Variants in PSIP1 observed in about 807,000 individuals in gnomAD.
The protein encoded by PSIP1 is PC4 and SFRS1-interacting protein.
In PSIP1, 19 loss-of-function variants were observed where a neutral mutation model predicts 74.7. The ratio of observed to expected loss-of-function variants is 0.25; its 90% CI spans 0.18 to 0.37. The LOEUF is 0.37. PSIP1 is among the 10% of genes least tolerant of loss of function. The pLI, the probability that PSIP1 is intolerant of heterozygous loss-of-function variation, is 1.00. For synonymous variants in PSIP1, 222 were observed against 195.3 expected, an observed-to-expected ratio of 1.14 and a Z score of -1.14; for missense variants, 601 against 614.3, an observed-to-expected ratio of 0.98 and a Z score of 0.23.
Position 15,468,355 on chromosome 9 carries a change from A to T in PSIP1, c.1420+275T>A, listed in dbSNP as rs1406479259. ...ACTCTAGGGATTAGGAGGCATTGTG[A>T]TGGATGGGTTTTTAAAAATTGTTTA... On this transcript the variant is annotated intron_variant, in intron 14 of 15. Coordinates refer to ENST00000380733, the MANE Select transcript of PSIP1 (RefSeq NM_033222.5). The T allele has an allele frequency of 4.6e-6, 3 of 646,092 alleles. No individual in the cohort carries two copies. In the Admixed American group the frequency reaches 5.4e-5, roughly 12 times the overall value. 40.0% of individuals were successfully genotyped at this position (646,092 alleles called of 1,614,324 possible). A position where few individuals can be genotyped will look rare whatever the true frequency, so the allele number is the denominator to read the frequency against.
chr9:15,494,482 T>G (rs1469168894), intron 3 of PSIP1, among the ~76,000 whole-genome samples: 1 of 146,184 alleles, frequency 6.8e-6, no homozygotes, highest in African/African-American at 2.5e-5. Context: ...ATAGAATCGC[T>G]TGAACCCGGG....
At chr9:15,489,250 T>C in intron 4 of PSIP1, 1 of 152,180 alleles carries the variant, frequency 6.6e-6, no homozygotes, top group East Asian at 1.9e-4. Flanking sequence ...CATAGTGCTG[T>C]AAGTACATTT....
rs552091976 is a variant in PSIP1 at position 15,484,144 on chromosome 9, A to C, written c.456+1862T>G. On this transcript the variant is annotated intron_variant, in intron 6 of 15. Transcript: ENST00000380733. ...GAAACTCTGTATCCAAAAAAAAAAA[A>C]AAACAAATTTATATTTAAAAAAAAA... Among the ~76,000 whole-genome samples the C allele has an allele frequency of 4.6e-5, 7 of 151,618 alleles. No individual in the cohort carries two copies. In the South Asian group the frequency reaches 1.2e-3, roughly 27 times the overall value.
At chr9:15,475,023 G>A (rs1254419410) in intron 8 of PSIP1, among the ~76,000 whole-genome samples, 2 of 152,092 alleles carry the variant, frequency 1.3e-5, no homozygotes, top group Non-Finnish European at 2.9e-5. Flanking sequence ...TTTGACAAAT[G>A]AGAAAATGAT....
chr9:15,497,484 G>A (rs919979236), intron 3 of PSIP1, among the ~76,000 whole-genome samples: 1 of 151,836 alleles, frequency 6.6e-6, no homozygotes, highest in Non-Finnish European at 1.5e-5. Context: ...GTGCAACCAC[G>A]CCTGGCTACT....
chr9:15,490,214 A>C (rs2036760337), intron 3 of PSIP1, 90 bp from the exon 4 acceptor site: 1 of 1,201,748 alleles, frequency 8.3e-7, no homozygotes, highest in African/African-American at 1.6e-5. Context: ...ATTATCAAAA[A>C]TACAGAACCT....
chr9:15,470,703 T>C (rs1029980760), intron 10 of PSIP1: 6 of 939,180 alleles, frequency 6.4e-6, no homozygotes, highest in African/African-American at 1.8e-5. Flanking sequence ...AGTCTACTAC[T>C]GTTTAATCTC....
In PSIP1 at chr9:15,465,566, T is replaced by G; in HGVS notation, c.1547A>C (p.Glu516Ala). 6.3e-7 allele frequency: 1 copy of G among 1,585,456 alleles called. No individual in the cohort carries two copies. Among genetic ancestry groups the G allele is most frequent in the Non-Finnish European group, 8.6e-7 (1 of 1,157,512 alleles). The change falls in exon 16 of 16, where the codon GAG (glutamate) becomes GCG (alanine). Residue 516 changes from glutamate to alanine, a missense_variant. Transcript: ENST00000380733. Reference sequence around the variant, plus strand: ...CTTCAGAGATATTTCAGTCTCTCTCTCTTCACTGGATGGCCTGAAGAAAAG... The same window carrying G: ...CTTCAGAGATATTTCAGTCTCTCTCGCTTCACTGGATGGCCTGAAGAAAAG... ...ASTKKKPSSE[E>A]RETEISLKDS...
chr9:15,470,609 A>G (rs1437082602), intron 10 of PSIP1: 5 of 954,730 alleles, frequency 5.2e-6, no homozygotes, highest in Non-Finnish European at 6.2e-6. Context: ...TCAAATAGAC[A>G]AGAACAAAAA....
At position 15,474,105 on chromosome 9, in the gene PSIP1, C is replaced by G. The variant is rs1305402238; in HGVS notation, c.762G>C (p.Lys254Asn). Residue 254 changes from lysine to asparagine, a missense_variant, in exon 9 of 16, where the codon AAG (lysine) becomes AAC (asparagine). Lys to Asn is a moderately conservative substitution (Grantham distance 94). This residue lies in a region of PSIP1 where 538 missense variants were observed against 507.6 expected (regional missense o/e 1.06). Coordinates refer to ENST00000380733, the MANE Select transcript of PSIP1 (RefSeq NM_033222.5). ...TTTTCCTTTTTGATTCAACTTCTTTCTTCCCCTCTTTTTTATCCGGCTCTT... is the reference window on the plus strand; with the variant it reads ...TTTTCCTTTTTGATTCAACTTCTTTGTTCCCCTCTTTTTTATCCGGCTCTT... ...PRKEPDKKEG[K>N]KEVESKRKNL... The G allele has an allele frequency of 6.2e-7, 1 of 1,613,256 alleles. No individual in the cohort carries two copies. Among genetic ancestry groups the G allele is most frequent in the Admixed American group, 1.7e-5 (1 of 59,928 alleles).
At chr9:15,485,624 T>C (rs2036527397) in intron 6 of PSIP1, among the ~76,000 whole-genome samples, 1 of 152,146 alleles carries the variant, frequency 6.6e-6, no homozygotes, top group African/African-American at 2.4e-5. Context: ...AACAACAACA[T>C]AATGGACAAC....
In PSIP1 at chr9:15,478,046, C is replaced by T. The variant is rs559464608; in HGVS notation, c.629+431G>A. Reference sequence around the variant, plus strand: ...GGGAGGCTAAAGTGGGAAGAGGCTCCTTGAGCCCAGGAGTTTGAGGTTACA... The same window carrying T: ...GGGAGGCTAAAGTGGGAAGAGGCTCTTTGAGCCCAGGAGTTTGAGGTTACA... On this transcript the variant is annotated intron_variant, in intron 8 of 15. Transcript: ENST00000380733. Among the ~76,000 whole-genome samples the T allele has an allele frequency of 6.0e-5, 9 of 150,374 alleles. No individual in the cohort carries two copies. The South Asian group carries it at 1.9e-3, about 32-fold the overall frequency.
intron 3 of PSIP1, among the ~76,000 whole-genome samples, chr9:15,490,752 C>T (rs191361605): frequency 4.9e-4 from 73 of 148,404 alleles, no homozygotes; most frequent in Non-Finnish European, 4.6e-4. Context: ...AACTTTGACA[C>T]ATTAGCATTA....
At chr9:15,487,541 A>T (rs2036607791) in intron 4 of PSIP1, among the ~76,000 whole-genome samples, 1 of 152,126 alleles carries the variant, frequency 6.6e-6, no homozygotes, top group Non-Finnish European at 1.5e-5. Context: ...GGTTGCAGCG[A>T]GACAAGATCA....
intron 14 of PSIP1, among the ~76,000 whole-genome samples, chr9:15,467,918 C>G (rs1049083488): frequency 3.9e-5 from 6 of 151,968 alleles, no homozygotes; most frequent in African/African-American, 1.5e-4. Context: ...GTCGGGAGTT[C>G]AAGACCAGCC....
chr9:15,472,524 ACTT>A, intron 10 of PSIP1, 105 bp downstream of exon 10: 2 of 1,464,650 alleles, frequency 1.4e-6, no homozygotes, highest in Non-Finnish European at 1.8e-6. Context: ...GGGAAAAGTC[ACTT>A]CTTCAAAAGG....
chr9:15,470,934 T>TAAAAAAAAAAAAAAAA (rs58019501), intron 10 of PSIP1: 1 of 650,854 alleles, frequency 1.5e-6, no homozygotes, highest in African/African-American at 2.5e-5. Flanking sequence ...TAAGCTTGGT[T>TAAAAAAAAAAAAAAAA]AAAAAAAAAA....
At chr9:15,506,722 A>G (rs2037606775) in intron 2 of PSIP1, 85 bp from the exon 3 acceptor site, 1 of 1,020,246 alleles carries the variant, frequency 9.8e-7, no homozygotes, top group Non-Finnish European at 1.4e-6. Context: ...ACAACATCCA[A>G]AAGGGTTCTG....
chr9:15,470,624 C>G (rs2737834), intron 10 of PSIP1: 1 of 952,878 alleles, frequency 1.0e-6, no homozygotes, highest in East Asian at 1.1e-4. Flanking sequence ...CAAAAAATAT[C>G]TAAAAATCAG....
Sources: gnomAD v4.1 joint callset for allele counts (sites outside exome capture counted in the v4.1 genomes callset) on GRCh38, gnomAD v4.1.1 for gene constraint, gnomAD v4.1.1 regional missense constraint, MANE v1.5 for transcripts, NCBI Gene and HGNC (gene_info 2026-07-23, HGNC 2026-07-21) for gene names.